TMEM232: variants seen among roughly 807,000 people sequenced by gnomAD.
The protein encoded by TMEM232 is transmembrane protein 232.
TMEM232 carries 80 observed loss-of-function variants against 78.8 expected under a neutral mutation model. The ratio of observed to expected loss-of-function variants is 1.01; its 90% CI spans 0.85 to 1.22. The LOEUF (loss-of-function observed/expected upper bound fraction) is 1.22, where lower values mean the gene tolerates loss of function less well. TMEM232 is among the 50% of genes most tolerant of loss of function. The probability of loss-of-function intolerance (pLI) is 0.00; values close to 1 mark genes in which losing one functional copy is unlikely to be tolerated. For missense variants in TMEM232, 881 were observed against 742.2 expected, an observed-to-expected ratio of 1.19 and a Z score of -2.17; for synonymous variants, 297 against 254.3, an observed-to-expected ratio of 1.17 and a Z score of -1.60.
At chr5:110,630,184 T>C (rs988462883) in intron 5 of TMEM232, among the ~76,000 whole-genome samples, 1 of 152,204 alleles carries the variant, frequency 6.6e-6, no homozygotes, top group Non-Finnish European at 1.5e-5. Context: ...CAACAGATAG[T>C]TATATTAGCT....
At chr5:110,695,518 G>T (rs1458140192) in intron 1 of TMEM232, among the ~76,000 whole-genome samples, 1 of 152,058 alleles carries the variant, frequency 6.6e-6, no homozygotes, top group South Asian at 2.1e-4. Context: ...CCAGGAGCTG[G>T]TTTTTTGAAA....
At chr5:110,715,144 T>G (rs565410494) in intron 1 of TMEM232, among the ~76,000 whole-genome samples, 1 of 152,218 alleles carries the variant, frequency 6.6e-6, no homozygotes, top group African/African-American at 2.4e-5. Context: ...AAAAATACAA[T>G]TCTTTCTCTT....
chr5:110,623,385 G>C (rs1271211188), intron 7 of TMEM232, among the ~76,000 whole-genome samples: 1 of 152,134 alleles, frequency 6.6e-6, no homozygotes, highest in Non-Finnish European at 1.5e-5. Context: ...CCAAAGTATA[G>C]TGCTATGGAC....
At chr5:110,691,862 G>A (rs773474715) in intron 1 of TMEM232, among the ~76,000 whole-genome samples, 3 of 152,154 alleles carry the variant, frequency 2.0e-5, no homozygotes, top group Non-Finnish European at 2.9e-5. Context: ...CTATGTAACA[G>A]AATGTATAAA....
intron 7 of TMEM232, among the ~76,000 whole-genome samples, chr5:110,620,630 TC>T (rs1783565623): frequency 2.0e-5 from 2 of 100,270 alleles, no homozygotes; most frequent in Admixed American, 1.1e-4. Context: ...TCTCTCTCTC[TC>T]TCTCTCTCCT....
intron 8 of TMEM232, among the ~76,000 whole-genome samples, chr5:110,614,989 AT>A (rs1188747028): frequency 6.6e-6 from 1 of 151,952 alleles, no homozygotes; most frequent in African/African-American, 2.4e-5. Flanking sequence ...TATAAATACT[AT>A]TCTTTATTTT....
At chr5:110,663,317 G>C (rs909262833) in intron 2 of TMEM232, among the ~76,000 whole-genome samples, 1 of 151,664 alleles carries the variant, frequency 6.6e-6, no homozygotes, top group Non-Finnish European at 1.5e-5. Flanking sequence ...CAAAGTTAAA[G>C]GATAAGGCAT....
intron 1 of TMEM232, among the ~76,000 whole-genome samples, chr5:110,695,250 C>A (rs1794629894): frequency 6.6e-6 from 1 of 152,084 alleles, no homozygotes; most frequent in Non-Finnish European, 1.5e-5. Context: ...TTCTTCGAAA[C>A]CAATGAGAAC....
intron 11 of TMEM232, among the ~76,000 whole-genome samples, chr5:110,534,248 T>A (rs1347663746): frequency 1.3e-5 from 2 of 152,210 alleles, no homozygotes; most frequent in Non-Finnish European, 2.9e-5. Flanking sequence ...CAGACCAGCC[T>A]TTATTAGTCA....
At chr5:110,470,302 C>T (rs1580813499) in intron 12 of TMEM232, among the ~76,000 whole-genome samples, 1 of 152,128 alleles carries the variant, frequency 6.6e-6, no homozygotes, top group Non-Finnish European at 1.5e-5. Context: ...CTAGAAGATG[C>T]CTCACAGTCA....
chr5:110,603,111 G>C (rs536819403), intron 10 of TMEM232, among the ~76,000 whole-genome samples: 262 of 152,184 alleles, frequency 1.7e-3, no homozygotes, highest in African/African-American at 5.9e-3. Context: ...TGGACACAGG[G>C]AGGGGAATAT....
intron 12 of TMEM232, among the ~76,000 whole-genome samples, chr5:110,475,010 C>T (rs541369642): frequency 2.0e-5 from 3 of 151,942 alleles, no homozygotes; most frequent in African/African-American, 7.2e-5. Flanking sequence ...ATATTAGATG[C>T]TAATATTTGT....
At chr5:110,559,236 T>C (rs1355126914) in intron 11 of TMEM232, among the ~76,000 whole-genome samples, 2 of 152,190 alleles carry the variant, frequency 1.3e-5, no homozygotes, top group East Asian at 3.9e-4. Context: ...TTAACCATTT[T>C]TCCCAGCAGA....
At chr5:110,720,286 T>C (rs1195052268) in intron 1 of TMEM232, among the ~76,000 whole-genome samples, 4 of 152,118 alleles carry the variant, frequency 2.6e-5, no homozygotes, top group Admixed American at 2.6e-4. Context: ...TCAATATTCT[T>C]GTCTTGCTGA....
intron 1 of TMEM232, among the ~76,000 whole-genome samples, chr5:110,709,411 T>C (rs1386666388): frequency 2.6e-5 from 4 of 152,116 alleles, no homozygotes; most frequent in African/African-American, 9.7e-5. Flanking sequence ...GAACATTTCA[T>C]CCAACAGCTG....
intron 8 of TMEM232, among the ~76,000 whole-genome samples, chr5:110,609,447 G>T (rs990059128): frequency 5.9e-5 from 9 of 152,084 alleles, no homozygotes; most frequent in Admixed American, 5.9e-4. Context: ...ATCAGAGAAA[G>T]TGCAGCCAAT....
chr5:110,470,474 C>G (rs1012832738), intron 12 of TMEM232, among the ~76,000 whole-genome samples: 9 of 152,158 alleles, frequency 5.9e-5, no homozygotes, highest in Admixed American at 3.9e-4. Context: ...CATGCTGCAG[C>G]TGCTTAGGAA....
chr5:110,523,903 G>A (rs541727285), intron 12 of TMEM232, among the ~76,000 whole-genome samples: 1 of 142,458 alleles, frequency 7.0e-6, no homozygotes, highest in East Asian at 2.1e-4. Flanking sequence ...CAAGGCTGCA[G>A]TGAGTCATGT....
chr5:110,451,119 G>T (rs1347910912), intron 12 of TMEM232, among the ~76,000 whole-genome samples: 1 of 152,142 alleles, frequency 6.6e-6, no homozygotes, highest in Non-Finnish European at 1.5e-5. Flanking sequence ...GACACTGCTA[G>T]TTTAGGACTT....
Sources: allele counts gnomAD v4.1 joint callset (sites outside exome capture counted in the v4.1 genomes callset), GRCh38; gene constraint gnomAD v4.1.1; transcripts MANE v1.5; gene names NCBI Gene and HGNC (gene_info 2026-07-23, HGNC 2026-07-21).